FXYD5: variants seen among roughly 807,000 people sequenced by gnomAD.
The protein encoded by FXYD5 is FXYD domain-containing ion transport regulator 5.
A neutral mutation model predicts 25.7 loss-of-function variants in FXYD5; 21 were observed. That is an observed-to-expected ratio of 0.82 (90% CI 0.58 to 1.18). FXYD5 has a LOEUF of 1.18. Ranked by LOEUF, FXYD5 falls within the 50% of genes most tolerant of loss-of-function variation. The pLI, the probability that FXYD5 is intolerant of heterozygous loss-of-function variation, is 0.00. For missense variants in FXYD5, 229 were observed against 227.7 expected (o/e 1.01, Z -0.04); for synonymous variants, 101 against 90.7 (o/e 1.11, Z -0.64).
intron 5 of FXYD5, among the ~76,000 whole-genome samples, chr19:35,163,197 T>C (rs1054407358): frequency 2.6e-5 from 4 of 152,194 alleles, no homozygotes; most frequent in Admixed American, 1.3e-4. Flanking sequence ...GGATCTGGCT[T>C]ATACCTTCCT....
intron 2 of FXYD5, among the ~76,000 whole-genome samples, chr19:35,155,977 G>T (rs1231857247): frequency 6.6e-6 from 1 of 152,232 alleles, no homozygotes; most frequent in Non-Finnish European, 1.5e-5. Flanking sequence ...GTTAGGCAAA[G>T]CTGTTGAGCT....
At chr19:35,169,333 A>G (rs991269218) in intron 8 of FXYD5, among the ~76,000 whole-genome samples, 1 of 151,634 alleles carries the variant, frequency 6.6e-6, no homozygotes, top group Non-Finnish European at 1.5e-5. Context: ...AATAAGTGAG[A>G]TACAAAATAA....
chr19:35,163,420 T>TC (rs1213966131), intron 5 of FXYD5, among the ~76,000 whole-genome samples: 18 of 151,254 alleles, frequency 1.2e-4, no homozygotes, highest in Admixed American at 9.2e-4. Context: ...TTTTTTTTTT[T>TC]CAAGAGAAGA....
intron 5 of FXYD5, among the ~76,000 whole-genome samples, chr19:35,161,248 A>ACACACAC (rs61309039): frequency 3.5e-5 from 5 of 142,848 alleles, no homozygotes; most frequent in African/African-American, 1.1e-4. Context: ...ACACACACAC[A>ACACACAC]AAAGAATGAT....
chr19:35,163,894 G>A, intron 5 of FXYD5: 1 of 1,058,312 alleles, frequency 9.4e-7, no homozygotes, highest in South Asian at 1.8e-5. Context: ...GGGCCAGAAG[G>A]TCCTAGGAGA....
chr19:35,164,469 A>T (rs565008763), intron 6 of FXYD5, among the ~76,000 whole-genome samples: 1 of 152,364 alleles, frequency 6.6e-6, no homozygotes, highest in East Asian at 1.9e-4. Context: ...TCAGTGGCTT[A>T]AAAGGATAAC....
chr19:35,168,679 G>A (rs917241995), intron 8 of FXYD5, among the ~76,000 whole-genome samples: 5 of 152,066 alleles, frequency 3.3e-5, no homozygotes, highest in South Asian at 2.1e-4. Context: ...CTGTGTCCTC[G>A]TACCTCAAGG....
chr19:35,159,554 A>G (rs2065386515), intron 4 of FXYD5: 3 of 1,550,460 alleles, frequency 1.9e-6, no homozygotes, highest in African/African-American at 2.7e-5. Context: ...ACACTTCTTG[A>G]TGAACATGTT....
intron 4 of FXYD5, 130 bp from the exon 5 acceptor site, chr19:35,160,579 A>G: frequency 4.5e-6 from 3 of 670,958 alleles, no homozygotes; most frequent in Non-Finnish European, 5.5e-6. Context: ...CTCCCGACCT[A>G]AGGTAATCTG....
chr19:35,167,110 A>C (rs565272438), intron 8 of FXYD5, among the ~76,000 whole-genome samples: 1 of 152,346 alleles, frequency 6.6e-6, no homozygotes, highest in South Asian at 2.1e-4. Flanking sequence ...TTGGTACTCA[A>C]ATGTTGACAG....
intron 8 of FXYD5, chr19:35,166,539 G>A (rs551699128): frequency 3.0e-4 from 143 of 475,470 alleles, no homozygotes; most frequent in Non-Finnish European, 4.8e-4. Context: ...GCTGGGCTCA[G>A]CTGGGTGATT....
intron 6 of FXYD5, among the ~76,000 whole-genome samples, chr19:35,165,587 G>A (rs113050356): frequency 0.037 from 5,619 of 151,910 alleles, 138 homozygotes; most frequent in East Asian, 0.069. Flanking sequence ...CCTGTATCTC[G>A]TGCCGACCTC....
intron 3 of FXYD5, 134 bp from the exon 4 acceptor site, chr19:35,158,210 T>C: frequency 2.9e-6 from 2 of 680,636 alleles, no homozygotes; most frequent in South Asian, 3.3e-5. Context: ...AGCAAATGGC[T>C]GGATTAATTA....
chr19:35,168,859 T>G (rs140131060), intron 8 of FXYD5, among the ~76,000 whole-genome samples: 32 of 152,230 alleles, frequency 2.1e-4, no homozygotes, highest in African/African-American at 6.7e-4. Context: ...GGCCAGGAGT[T>G]CAAGACCAGC....
intron 2 of FXYD5, chr19:35,156,705 G>A (rs2065359090): frequency 6.5e-6 from 1 of 152,844 alleles, no homozygotes; most frequent in Non-Finnish European, 1.5e-5. Flanking sequence ...ACAGAGAAGT[G>A]ATGGGACCAG....
intron 5 of FXYD5, among the ~76,000 whole-genome samples, chr19:35,162,169 T>C (rs1302294329): frequency 1.3e-5 from 2 of 152,234 alleles, no homozygotes; most frequent in East Asian, 3.8e-4. Flanking sequence ...CCTGGATATA[T>C]GTGACAGAAA....
intron 3 of FXYD5, among the ~76,000 whole-genome samples, chr19:35,157,864 C>T (rs746160336): frequency 4.6e-5 from 7 of 152,164 alleles, no homozygotes; most frequent in Non-Finnish European, 8.8e-5. Context: ...AGGCTCAGGT[C>T]GTATCCCTGA....
intron 5 of FXYD5, chr19:35,163,893 G>A (rs1394818497): frequency 9.7e-7 from 1 of 1,030,474 alleles, no homozygotes; most frequent in Non-Finnish European, 1.3e-6. Flanking sequence ...TGGGCCAGAA[G>A]GTCCTAGGAG....
rs2065388445 is a variant in FXYD5 at position 35,159,760 on chromosome 19, C to T, written c.200-949C>T. 10 of 1,261,406 alleles carry T rather than the reference C, an allele frequency of 7.9e-6. No individual in the cohort carries two copies. The South Asian group carries it at 1.6e-4, about 20-fold the overall frequency. The allele number at this position is 1,261,406 out of a possible 1,614,324, so 78.1% of individuals were successfully genotyped here. A position where few individuals can be genotyped will look rare whatever the true frequency, so the allele number is the denominator to read the frequency against. On this transcript the variant is annotated intron_variant, in intron 4 of 8. Transcript: ENST00000392219. ...ATTACCATTGTCCCCATTTTACAGA[C>T]AAGGAAACAGAGGCTGTGAGTAACT...
Sources: allele counts gnomAD v4.1 joint callset (sites outside exome capture counted in the v4.1 genomes callset), GRCh38; gene constraint gnomAD v4.1.1; transcripts MANE v1.5; gene names NCBI Gene and HGNC (gene_info 2026-07-23, HGNC 2026-07-21).